TERB1: variants seen among roughly 807,000 people sequenced by gnomAD.
TERB1 encodes telomere repeat binding bouquet formation protein 1, also known as telomere repeats-binding bouquet formation protein 1.
In TERB1, 63 loss-of-function variants were observed where a neutral mutation model predicts 92.3. The ratio of observed to expected loss-of-function variants is 0.68; its 90% CI spans 0.56 to 0.84. The LOEUF is 0.84. Ranked by LOEUF, TERB1 falls within the 40% of genes least tolerant of loss-of-function variation. The pLI, the probability that TERB1 is intolerant of heterozygous loss-of-function variation, is 0.00. For synonymous variants in TERB1, 252 were observed against 283.9 expected (o/e 0.89, Z 1.13); for missense variants, 709 against 843.7 (o/e 0.84, Z 1.98).
intron 5 of TERB1, among the ~76,000 whole-genome samples, chr16:66,789,651 A>C (rs2018794346): frequency 7.0e-6 from 1 of 142,738 alleles, no homozygotes; most frequent in Non-Finnish European, 1.5e-5. Flanking sequence ...ACTATATCTT[A>C]CTTATCCCTG....
At chr16:66,796,507 T>C (rs1297955634) in intron 3 of TERB1, among the ~76,000 whole-genome samples, 2 of 152,224 alleles carry the variant, frequency 1.3e-5, no homozygotes, top group African/African-American at 2.4e-5. Context: ...CCTTTGATGG[T>C]AGTCCTCTCA....
intron 13 of TERB1, among the ~76,000 whole-genome samples, chr16:66,770,909 G>T (rs935795788): frequency 2.6e-5 from 4 of 151,954 alleles, no homozygotes; most frequent in Admixed American, 6.6e-5. Context: ...GGAGTGCAGT[G>T]GCATGATCAC....
At position 66,772,649 on chromosome 16, in the gene TERB1, G is replaced by C; in HGVS notation, c.1212C>G (p.His404Gln). ...ISVKENNLEE[H>Q]WRKAKEILHR... is the part of the protein sequence containing the mutation. ...GTAGAATTTCCTTTGCTTTCCTCCA[G>C]TGCTCTTCAAGATTATTCTCCTTCA... The change falls in exon 13 of 19, where the codon CAC becomes CAG. Residue 404 changes from histidine to glutamine, a missense_variant. Physicochemically the swap from His to Gln is conservative, Grantham distance 24 (BLOSUM62 0). Coordinates refer to ENST00000433154, the MANE Select transcript of TERB1 (RefSeq NM_001136505.2). 1 of 1,551,224 alleles carries C rather than the reference G, an allele frequency of 6.4e-7. No homozygotes were observed. The highest frequency in any genetic ancestry group is 1.7e-4 in the Middle Eastern group (1 of 5,992).
chr16:66,757,106 G>A (rs2018150534), intron 18 of TERB1, among the ~76,000 whole-genome samples: 1 of 152,068 alleles, frequency 6.6e-6, no homozygotes, highest in African/African-American at 2.4e-5. Context: ...GGGAAAAAAT[G>A]GCAACATACC....
At chr16:66,779,985 CT>C (rs770510808) in intron 9 of TERB1, among the ~76,000 whole-genome samples, 1 of 152,256 alleles carries the variant, frequency 6.6e-6, no homozygotes. Flanking sequence ...GGCACCATGG[CT>C]CATGCCTTTA....
chr16:66,775,331 T>G, intron 11 of TERB1, 88 bp from the exon 12 acceptor site: 1 of 1,276,074 alleles, frequency 7.8e-7, no homozygotes, highest in Non-Finnish European at 1.1e-6. Context: ...ATTATGAACA[T>G]AGTTCAAAAT....
Position 66,767,524 on chromosome 16 carries a change from CA to C in TERB1, c.1685-15del. 8.4e-7 allele frequency: 1 copy of C among 1,197,496 alleles called. No individual in the cohort carries two copies. Among genetic ancestry groups the C allele is most frequent in the African/African-American group, 1.6e-5 (1 of 62,766 alleles). The allele number at this position is 1,197,496 out of a possible 1,614,324, so 74.2% of individuals were successfully genotyped here. A position where few individuals can be genotyped will look rare whatever the true frequency, so the allele number is the denominator to read the frequency against. On this transcript the variant is annotated splice_polypyrimidine_tract_variant and intron_variant, in intron 15 of 18. Coordinates refer to ENST00000433154, the MANE Select transcript of TERB1 (RefSeq NM_001136505.2). Reference sequence around the variant, plus strand: ...ATGTAAATGGATCTGAAAAAAATTGCAAAATGAAGGATTTTTGGATTAATGA... The same window carrying C: ...ATGTAAATGGATCTGAAAAAAATTGCAAATGAAGGATTTTTGGATTAATGA...
intron 16 of TERB1, among the ~76,000 whole-genome samples, chr16:66,761,649 G>T (rs1201528127): frequency 6.6e-6 from 1 of 151,872 alleles, no homozygotes; most frequent in Non-Finnish European, 1.5e-5. Context: ...TTAGCCGGGT[G>T]TGGTGGCACA....
At chr16:66,761,310 T>C (rs1051105461) in intron 16 of TERB1, among the ~76,000 whole-genome samples, 4 of 143,612 alleles carry the variant, frequency 2.8e-5, no homozygotes, top group African/African-American at 1.0e-4. Context: ...AAAGTAGCCG[T>C]GCATGACGGC....
At chr16:66,756,796 G>A (rs1002093298) in intron 18 of TERB1, among the ~76,000 whole-genome samples, 1 of 152,146 alleles carries the variant, frequency 6.6e-6, no homozygotes, top group Non-Finnish European at 1.5e-5. Context: ...GAGCAGCCTG[G>A]AAGAAGGAAG....
At position 66,758,616 on chromosome 16, in the gene TERB1, C is replaced by T. The variant is rs1042216189; in HGVS notation, c.1996+157G>A. 2.5e-5 allele frequency: 13 copies of T among 525,954 alleles called. No individual in the cohort carries two copies. The African/African-American group carries it at 2.6e-4, about 11-fold the overall frequency. The allele number at this position is 525,954 out of a possible 1,614,324, so 32.6% of individuals were successfully genotyped here. A position where few individuals can be genotyped will look rare whatever the true frequency, so the allele number is the denominator to read the frequency against. ...ACCAGCAGGGTGTGGTGGCACATGT[C>T]TGTAATCCCAGCTACTTAGGAGGCT... On this transcript the variant is annotated intron_variant, in intron 18 of 18. Transcript: ENST00000433154.
At chr16:66,763,521 T>G (rs1445254192) in intron 16 of TERB1, among the ~76,000 whole-genome samples, 1 of 152,212 alleles carries the variant, frequency 6.6e-6, no homozygotes, top group Non-Finnish European at 1.5e-5. Flanking sequence ...TAGTATTGTA[T>G]GTTTCTTACT....
At chr16:66,800,428 T>C (rs1379866557) in intron 2 of TERB1, among the ~76,000 whole-genome samples, 2 of 138,078 alleles carry the variant, frequency 1.4e-5, no homozygotes, top group African/African-American at 2.7e-5. Context: ...TCTGGCTCTG[T>C]CGCCCAGGCT....
intron 14 of TERB1, among the ~76,000 whole-genome samples, chr16:66,768,627 T>A (rs988312928): frequency 2.6e-5 from 4 of 152,198 alleles, no homozygotes; most frequent in Non-Finnish European, 5.9e-5. Flanking sequence ...TTGATTATAC[T>A]GTCACAATGA....
chr16:66,778,787 C>T (rs554484977), intron 10 of TERB1, 76 bp downstream of exon 10: 432 of 1,182,592 alleles, frequency 3.7e-4, no homozygotes, highest in Non-Finnish European at 4.7e-4. Context: ...ACTATTCAAT[C>T]TACTATTTCA....
At chr16:66,777,132 GA>G (rs71671589) in intron 11 of TERB1, 70 bp downstream of exon 11, 115,885 of 1,163,278 alleles carry the variant, frequency 0.1, 7,556 homozygotes, top group African/African-American at 0.47. Flanking sequence ...ATAACTGGAA[GA>G]AAAAAAAAAA....
chr16:66,768,003 C>T (rs935379262), intron 15 of TERB1, 101 bp downstream of exon 15: 6 of 933,522 alleles, frequency 6.4e-6, no homozygotes, highest in African/African-American at 3.3e-5. Flanking sequence ...GCTGGGATTA[C>T]AGGCGTGAGC....
chr16:66,781,507 T>C (rs1302597750), intron 9 of TERB1, among the ~76,000 whole-genome samples: 1 of 149,070 alleles, frequency 6.7e-6, no homozygotes, highest in Admixed American at 6.8e-5. Flanking sequence ...TACAAGTTTC[T>C]GGGTACAAAT....
intron 3 of TERB1, among the ~76,000 whole-genome samples, chr16:66,796,203 C>T (rs1035873904): frequency 6.6e-6 from 1 of 152,164 alleles, no homozygotes; most frequent in Admixed American, 6.5e-5. Context: ...AAATGCAAAA[C>T]GCAGTGGAAA....
Sources: gnomAD v4.1 joint callset for allele counts (sites outside exome capture counted in the v4.1 genomes callset) on GRCh38, gnomAD v4.1.1 for gene constraint, MANE v1.5 for transcripts, NCBI Gene and HGNC (gene_info 2026-07-23, HGNC 2026-07-21) for gene names.